Variants in SNTB1 observed in about 807,000 individuals in gnomAD.
The protein encoded by SNTB1 is beta-1-syntrophin.
In SNTB1, 36 loss-of-function variants were observed where a neutral mutation model predicts 48.9. The ratio of observed to expected loss-of-function variants is 0.74; its 90% CI spans 0.56 to 0.97. The LOEUF is 0.97. SNTB1 is among the 50% of genes least tolerant of loss of function. The pLI, the probability that SNTB1 is intolerant of heterozygous loss-of-function variation, is 0.00. For missense variants in SNTB1, 786 were observed against 703.4 expected, an observed-to-expected ratio of 1.12 and a Z score of -1.33; for synonymous variants, 299 against 294.6, an observed-to-expected ratio of 1.01 and a Z score of -0.15.
At chr8:120,690,833 T>C (rs4242318) in intron 2 of SNTB1, among the ~76,000 whole-genome samples, 66,411 of 152,078 alleles carry the variant, frequency 0.44, 17,698 homozygotes, top group East Asian at 0.73. Context: ...TCTTCTCTTC[T>C]TCTACCATGG....
chr8:120,582,554 G>C (rs7825713), intron 3 of SNTB1, among the ~76,000 whole-genome samples: 5,761 of 152,222 alleles, frequency 0.038, 397 homozygotes, highest in African/African-American at 0.13. Context: ...ATGAAAATGA[G>C]AGAGAAGACA....
At chr8:120,785,756 A>T (rs1046036865) in intron 1 of SNTB1, among the ~76,000 whole-genome samples, 11 of 152,060 alleles carry the variant, frequency 7.2e-5, no homozygotes, top group African/African-American at 2.7e-4. Flanking sequence ...GCAAACACAA[A>T]TCCCACTGTT....
chr8:120,542,842 T>C (rs1465196331), intron 5 of SNTB1, among the ~76,000 whole-genome samples: 3 of 152,106 alleles, frequency 2.0e-5, no homozygotes. Context: ...TTAAAAATAG[T>C]CTATTTTTTA....
chr8:120,615,418 A>G (rs1336393160), intron 3 of SNTB1, among the ~76,000 whole-genome samples: 1 of 152,170 alleles, frequency 6.6e-6, no homozygotes, highest in Non-Finnish European at 1.5e-5. Flanking sequence ...TCAACAGCAC[A>G]CACTGAGCAC....
intron 1 of SNTB1, among the ~76,000 whole-genome samples, chr8:120,714,415 G>T (rs1563577914): frequency 6.6e-6 from 1 of 151,992 alleles, no homozygotes; most frequent in Non-Finnish European, 1.5e-5. Flanking sequence ...TTTCACAGAA[G>T]GTGATTTGGC....
intron 4 of SNTB1, among the ~76,000 whole-genome samples, chr8:120,560,320 T>A (rs1815631072): frequency 6.6e-6 from 1 of 152,042 alleles, no homozygotes; most frequent in African/African-American, 2.4e-5. Context: ...CTGTCTCTAC[T>A]AAAAATACAA....
rs572516221 is a variant in SNTB1, at chr8:120,799,647, G to A, written c.571+11626C>T. Among the ~76,000 whole-genome samples the A allele has an allele frequency of 2.6e-5, 4 of 152,084 alleles. No individual in the cohort carries two copies. The East Asian group carries it at 7.7e-4, about 29-fold the overall frequency. On this transcript the variant is annotated intron_variant, in intron 1 of 6. Coordinates refer to ENST00000517992, the MANE Select transcript of SNTB1 (RefSeq NM_021021.4). ...GCAACAAAAATCAGTTTATTAGTGG[G>A]TCAATATGGGGAGAGTCCAATGTTC...
intron 3 of SNTB1, among the ~76,000 whole-genome samples, chr8:120,577,085 T>C (rs1355624627): frequency 6.6e-6 from 1 of 152,124 alleles, no homozygotes; most frequent in Non-Finnish European, 1.5e-5. Context: ...TGGGAAAAAT[T>C]ATAAGACAAG....
In SNTB1 at chr8:120,538,354, G is replaced by T. The variant is rs549213364; in HGVS notation, c.*523C>A. ...TGCTTCATACTTAAATAAAAGGTGG[G>T]TTTCTATTTGAAATATTTTTCTTTT... is the stretch of plus-strand genomic sequence containing the variant. On this transcript the variant is annotated 3_prime_UTR_variant, in exon 7 of 7. Coordinates refer to ENST00000517992, the MANE Select transcript of SNTB1 (RefSeq NM_021021.4). 1.2e-3 allele frequency: 285 copies of T among 230,080 alleles called. 1 individual carries two copies. Among genetic ancestry groups the T allele is most frequent in the Middle Eastern group, 1.8e-3 (1 of 548 alleles). The allele number at this position is 230,080 out of a possible 1,614,324, so 14.3% of individuals were successfully genotyped here.
At chr8:120,703,352 T>A (rs1158864645) in intron 1 of SNTB1, among the ~76,000 whole-genome samples, 3 of 152,252 alleles carry the variant, frequency 2.0e-5, no homozygotes, top group African/African-American at 7.2e-5. Context: ...CTCGAACTCC[T>A]GACCTCAAGT....
Position 120,753,029 on chromosome 8 carries a change from G to A in SNTB1, c.571+58244C>T, listed in dbSNP as rs946379414. On this transcript the variant is annotated intron_variant, in intron 1 of 6. Coordinates refer to ENST00000517992, the MANE Select transcript of SNTB1 (RefSeq NM_021021.4). ...AAAAAGACTTGTTTTTACTGGAAAA[G>A]AAGCAATATGTGCTCCTTTCCAAGA... Among the ~76,000 whole-genome samples the A allele has an allele frequency of 4.3e-5, 6 of 140,028 alleles. No homozygotes were observed. In the South Asian group the frequency reaches 1.5e-3, roughly 34 times the overall value. The allele number at this position is 140,028 out of a possible 152,430, so 91.9% of individuals were successfully genotyped here. A position where few individuals can be genotyped will look rare whatever the true frequency, so the allele number is the denominator to read the frequency against.
chr8:120,803,107 C>A (rs937377986), intron 1 of SNTB1, among the ~76,000 whole-genome samples: 8 of 152,108 alleles, frequency 5.3e-5, no homozygotes, highest in African/African-American at 1.9e-4. Flanking sequence ...GTGATACTCA[C>A]CAACCAGTCA....
At chr8:120,670,443 A>G (rs982143564) in intron 2 of SNTB1, among the ~76,000 whole-genome samples, 2 of 152,200 alleles carry the variant, frequency 1.3e-5, no homozygotes, top group African/African-American at 2.4e-5. Context: ...GCAGACAGAA[A>G]CGACTACTCA....
Position 120,805,638 on chromosome 8 carries a change from A to C in SNTB1, c.571+5635T>G, listed in dbSNP as rs1230435902. Reference sequence around the variant, plus strand: ...ATGTTAGTTCAGTGAGACCTGTGTCAGACTTCGGACTTTAAAAACTGTAAT... The same window carrying C: ...ATGTTAGTTCAGTGAGACCTGTGTCCGACTTCGGACTTTAAAAACTGTAAT... On this transcript the variant is annotated intron_variant, in intron 1 of 6. Transcript: ENST00000517992. Among the ~76,000 whole-genome samples the C allele has an allele frequency of 3.3e-5, 5 of 152,368 alleles. No homozygotes were observed. In the East Asian group the frequency reaches 7.7e-4, roughly 23 times the overall value.
In SNTB1 at chr8:120,632,636, G is replaced by C. The variant is rs766794755; in HGVS notation, c.804C>G (p.His268Gln). Residue 268 changes from histidine to glutamine, a missense_variant, in exon 3 of 7, where the codon CAC becomes CAG. Coordinates refer to ENST00000517992, the MANE Select transcript of SNTB1 (RefSeq NM_021021.4). ...TCACCGTGTGCTTAGCATCTGGAGA[G>C]TGGATTTCAAGCTGCCTAGAGGAGC... is the stretch of plus-strand genomic sequence containing the variant. Reference protein sequence around the residue: ...ADPENRQLEIHSPDAKHTVIL... With the variant: ...ADPENRQLEIQSPDAKHTVIL... 24 of 1,614,142 alleles carry C rather than the reference G, an allele frequency of 1.5e-5. No individual in the cohort carries two copies. The South Asian group carries it at 2.2e-4, about 15-fold the overall frequency.
chr8:120,732,359 G>A (rs2129980147), intron 1 of SNTB1, among the ~76,000 whole-genome samples: 2 of 152,290 alleles, frequency 1.3e-5, no homozygotes, highest in South Asian at 4.2e-4. Flanking sequence ...ATGCTTTAAA[G>A]TAGACTTTTC....
rs1373733915 is a variant in SNTB1 at position 120,548,899 on chromosome 8, G to A, written c.1196C>T (p.Ala399Val). 3.1e-6 allele frequency: 5 copies of A among 1,611,892 alleles called. No individual in the cohort carries two copies. Among genetic ancestry groups the A allele is most frequent in the Admixed American group, 1.7e-5 (1 of 59,858 alleles). ...CCCTTGCCTGGTACCAGTTCGCGTT[G>A]CAAAGGACAGATCCACACCAGCCTG... ...SPQAGVDLSF[A>V]TRTGTRQGIE... The change falls in exon 5 of 7, where the codon GCA becomes GTA. Residue 399 changes from alanine to valine, a missense_variant. Physicochemically the swap from Ala to Val is moderately conservative, Grantham distance 64. Coordinates refer to ENST00000517992, the MANE Select transcript of SNTB1 (RefSeq NM_021021.4).
At chr8:120,598,966 C>T (rs896696224) in intron 3 of SNTB1, among the ~76,000 whole-genome samples, 1 of 152,168 alleles carries the variant, frequency 6.6e-6, no homozygotes, top group African/African-American at 2.4e-5. Context: ...TGAAATAATG[C>T]AGGCAGGATT....
chr8:120,663,323 G>A lies in SNTB1; in HGVS notation c.788+30369C>T, dbSNP rs959765447. Among the ~76,000 whole-genome samples, 5 of 152,290 alleles carry A rather than the reference G, an allele frequency of 3.3e-5. 1 individual carries two copies. Among genetic ancestry groups the A allele is most frequent in the African/African-American group, 1.2e-4 (5 of 41,556 alleles). On this transcript the variant is annotated intron_variant, in intron 2 of 6. Transcript: ENST00000517992. ...CAAAAAGGAAGAGTAGAGGCCAAGG[G>A]GAGAGCATCCCAAGAAGAGCAGCAG...
Sources: gnomAD v4.1 joint callset for allele counts (sites outside exome capture counted in the v4.1 genomes callset) on GRCh38, gnomAD v4.1.1 for gene constraint, MANE v1.5 for transcripts, NCBI Gene and HGNC (gene_info 2026-07-23, HGNC 2026-07-21) for gene names.